Variants in RABGAP1L observed in about 807,000 individuals in gnomAD.
RABGAP1L encodes the protein RAB GTPase activating protein 1 like.
In RABGAP1L, 63 loss-of-function variants were observed where a neutral mutation model predicts 137.7. The ratio of observed to expected loss-of-function variants is 0.46; its 90% CI spans 0.37 to 0.56. RABGAP1L has a LOEUF of 0.56. Ranked by LOEUF, RABGAP1L falls within the 20% of genes least tolerant of loss-of-function variation. The pLI, the probability that RABGAP1L is intolerant of heterozygous loss-of-function variation, is 0.00. For synonymous variants in RABGAP1L, 431 were observed against 433.7 expected (o/e 0.99, Z 0.08); for missense variants, 1,095 against 1,244.0 (o/e 0.88, Z 1.80).
chr1:174,634,810 C>A (rs1368166863), intron 13 of RABGAP1L, among the ~76,000 whole-genome samples: 5 of 145,432 alleles, frequency 3.4e-5, no homozygotes, highest in Non-Finnish European at 5.9e-5. Flanking sequence ...GCATATTCTC[C>A]CTCATAGGTG....
At chr1:174,631,267 A>G (rs1230763573) in intron 13 of RABGAP1L, among the ~76,000 whole-genome samples, 2 of 117,572 alleles carry the variant, frequency 1.7e-5, no homozygotes, top group African/African-American at 7.5e-5. Context: ...ATAGTTTGTT[A>G]TAATTTCTGT....
chr1:174,546,350 G>T (rs1450216062), intron 13 of RABGAP1L, among the ~76,000 whole-genome samples: 3 of 152,068 alleles, frequency 2.0e-5, no homozygotes, highest in Non-Finnish European at 4.4e-5. Flanking sequence ...AGTGTATGTA[G>T]GTAGCCTATT....
At chr1:174,294,280 A>G (rs1676895869) in intron 10 of RABGAP1L, among the ~76,000 whole-genome samples, 1 of 152,216 alleles carries the variant, frequency 6.6e-6, no homozygotes, top group South Asian at 2.1e-4. Flanking sequence ...TCAGCCTAAC[A>G]TAAATGAATT....
At chr1:174,627,146 A>G (rs951975404) in intron 13 of RABGAP1L, among the ~76,000 whole-genome samples, 2 of 152,266 alleles carry the variant, frequency 1.3e-5, no homozygotes, top group African/African-American at 2.4e-5. Context: ...ATTAATAAAA[A>G]AAGATGCTGT....
intron 7 of RABGAP1L, among the ~76,000 whole-genome samples, chr1:174,260,954 A>G (rs1161559873): frequency 6.6e-6 from 1 of 152,000 alleles, no homozygotes; most frequent in East Asian, 1.9e-4. Context: ...ATGATTCAAG[A>G]CAAATAATAC....
intron 13 of RABGAP1L, among the ~76,000 whole-genome samples, chr1:174,406,929 GCCTGGGAT>G (rs1326845434): frequency 1.3e-5 from 2 of 152,088 alleles, no homozygotes; most frequent in African/African-American, 2.4e-5. Context: ...ATTTTCAAGA[GCCTGGGAT>G]TACACTCCTG....
intron 18 of RABGAP1L, among the ~76,000 whole-genome samples, chr1:174,753,470 C>T (rs1166430605): frequency 2.6e-5 from 4 of 152,100 alleles, no homozygotes; most frequent in African/African-American, 9.7e-5. Flanking sequence ...TTCTATTCCT[C>T]ATCTCTTATT....
At chr1:174,489,314 A>G (rs1659981616) in intron 13 of RABGAP1L, among the ~76,000 whole-genome samples, 5 of 152,294 alleles carry the variant, frequency 3.3e-5, no homozygotes, top group Middle Eastern at 3.4e-3. Flanking sequence ...TCTACAAAGA[A>G]CTTAAACAAA....
chr1:174,430,609 G>C (rs1408631909), intron 13 of RABGAP1L, among the ~76,000 whole-genome samples: 2 of 152,184 alleles, frequency 1.3e-5, no homozygotes, highest in African/African-American at 4.8e-5. Context: ...ATGAAAGCAA[G>C]TTAGAAGAGC....
rs574998497 is a variant in RABGAP1L at position 174,170,443 on chromosome 1, C to T, written c.-34+10786C>T. On this transcript the variant is annotated intron_variant, in intron 1 of 25. Transcript: ENST00000681986. ...CTGTAATCCCAGCACTTTGGAAGTC[C>T]GAGGCGGGCAGATCACGAGGTCAGG... Among the ~76,000 whole-genome samples, 10 of 151,950 alleles carry T rather than the reference C, an allele frequency of 6.6e-5. No homozygotes were observed. The South Asian group carries it at 2.1e-3, about 31-fold the overall frequency.
intron 13 of RABGAP1L, among the ~76,000 whole-genome samples, chr1:174,427,853 A>G (rs971900397): frequency 1.3e-5 from 2 of 152,196 alleles, no homozygotes; most frequent in Non-Finnish European, 2.9e-5. Flanking sequence ...CAGGCACTGT[A>G]CTTGCCACTG....
chr1:174,666,895 T>C (rs915137499), intron 14 of RABGAP1L, among the ~76,000 whole-genome samples: 2 of 151,934 alleles, frequency 1.3e-5, no homozygotes, highest in African/African-American at 2.4e-5. Context: ...GTAGTCATTG[T>C]GTATTTCAGG....
chr1:174,991,716 G>T lies in RABGAP1L; in HGVS notation c.*1715G>T, dbSNP rs551982919. 6.6e-6 allele frequency: 1 copy of T among 150,864 alleles called. No individual in the cohort carries two copies. The highest frequency in any genetic ancestry group is 1.5e-5 in the Non-Finnish European group (1 of 67,914). The allele number at this position is 150,864 out of a possible 1,614,324, so 9.3% of individuals were successfully genotyped here. ...TCTTAACAAAAAGGAACATAACCCA[G>T]CATTCCAAGTGTCTGTGTTGGCTTT... is the stretch of plus-strand genomic sequence containing the variant. On this transcript the variant is annotated 3_prime_UTR_variant, in exon 26 of 26. Transcript: ENST00000681986.
chr1:174,329,979 T>A (rs931725557), intron 11 of RABGAP1L, among the ~76,000 whole-genome samples: 2 of 152,230 alleles, frequency 1.3e-5, no homozygotes, highest in East Asian at 3.9e-4. Context: ...ACTTTTTCTC[T>A]GATTTCTGGA....
chr1:174,272,277 G>C (rs1674617213), intron 7 of RABGAP1L, 137 bp from the exon 8 acceptor site: 2 of 715,964 alleles, frequency 2.8e-6, no homozygotes, highest in East Asian at 6.9e-5. Flanking sequence ...CTTATTTCTG[G>C]TGTTTTTAGA....
chr1:174,554,716 G>A (rs1666765369), intron 13 of RABGAP1L, among the ~76,000 whole-genome samples: 1 of 152,064 alleles, frequency 6.6e-6, no homozygotes. Context: ...TCTAAATTAA[G>A]GAGTTAATTT....
At chr1:174,953,916 G>A (rs951363982) in intron 19 of RABGAP1L, among the ~76,000 whole-genome samples, 1 of 152,182 alleles carries the variant, frequency 6.6e-6, no homozygotes, top group African/African-American at 2.4e-5. Flanking sequence ...GGCAGTGTAG[G>A]GGAATTTATC....
intron 13 of RABGAP1L, among the ~76,000 whole-genome samples, chr1:174,618,962 A>G (rs920195915): frequency 3.9e-5 from 6 of 152,256 alleles, no homozygotes; most frequent in Admixed American, 6.5e-5. Context: ...GATGGAGCTG[A>G]AAACGAAGAC....
At chr1:174,651,407 G>T (rs374874037) in intron 14 of RABGAP1L, among the ~76,000 whole-genome samples, 2 of 152,008 alleles carry the variant, frequency 1.3e-5, no homozygotes, top group East Asian at 1.9e-4. Context: ...TTTCTGTCTC[G>T]TTGATCTGTC....
Sources: gnomAD v4.1 joint callset for allele counts (sites outside exome capture counted in the v4.1 genomes callset) on GRCh38, gnomAD v4.1.1 for gene constraint, MANE v1.5 for transcripts, NCBI Gene and HGNC (gene_info 2026-07-23, HGNC 2026-07-21) for gene names.